CCDC60: variants seen among roughly 807,000 people sequenced by gnomAD.
CCDC60 encodes the protein coiled-coil domain containing 60.
A neutral mutation model predicts 63.5 loss-of-function variants in CCDC60; 54 were observed. The ratio of observed to expected loss-of-function variants is 0.85; its 90% CI spans 0.68 to 1.07. CCDC60 has a LOEUF of 1.07. Ranked by LOEUF, CCDC60 falls within the 50% of genes least tolerant of loss-of-function variation. The probability of loss-of-function intolerance (pLI) is 0.00; values close to 1 mark genes in which losing one functional copy is unlikely to be tolerated. For synonymous variants in CCDC60, 206 were observed against 238.8 expected, an observed-to-expected ratio of 0.86 and a Z score of 1.27; for missense variants, 651 against 684.3, an observed-to-expected ratio of 0.95 and a Z score of 0.54.
intron 5 of CCDC60, among the ~76,000 whole-genome samples, chr12:119,489,764 C>A (rs1951540569): frequency 6.6e-6 from 1 of 152,016 alleles, no homozygotes; most frequent in African/African-American, 2.4e-5. Flanking sequence ...ATAGTCCTGC[C>A]TCCCAGGTGG....
chr12:119,477,784 G>T (rs1323950038), intron 3 of CCDC60, among the ~76,000 whole-genome samples: 1 of 152,202 alleles, frequency 6.6e-6, no homozygotes, highest in Non-Finnish European at 1.5e-5. Context: ...CATCATTCTT[G>T]TGTAGAAACA....
chr12:119,491,581 G>T (rs1484197214), intron 5 of CCDC60, among the ~76,000 whole-genome samples: 1 of 152,132 alleles, frequency 6.6e-6, no homozygotes, highest in Admixed American at 6.5e-5. Context: ...GCCCACCTCA[G>T]CCTCCCAAAG....
At position 119,428,748 on chromosome 12, in the gene CCDC60, C is replaced by A; in HGVS notation, c.156C>A (p.Asp52Glu). The A allele has an allele frequency of 6.3e-7, 1 of 1,599,926 alleles. No individual in the cohort carries two copies. Among genetic ancestry groups the A allele is most frequent in the Non-Finnish European group, 8.5e-7 (1 of 1,170,908 alleles). ...AGGAAATAATAAACCTCAAAAAGGA[C>A]CTTATACGAAGCCGGTGAGTGAGCC... is the stretch of plus-strand genomic sequence containing the variant. ...MDKEIINLKK[D>E]LIRSRFLIQS... The change falls in exon 2 of 14, where the codon GAC becomes GAA. Residue 52 changes from aspartate (D) to glutamate (E), a missense_variant. Coordinates refer to ENST00000327554, the MANE Select transcript of CCDC60 (RefSeq NM_178499.5).
At chr12:119,433,516 G>C (rs1376658189) in intron 2 of CCDC60, 2 of 702,324 alleles carry the variant, frequency 2.8e-6, no homozygotes, top group Admixed American at 4.0e-5. Flanking sequence ...CATTAAGGAA[G>C]GAATCAGGAT....
chr12:119,472,452 G>C (rs1951083092), intron 3 of CCDC60, among the ~76,000 whole-genome samples: 1 of 151,912 alleles, frequency 6.6e-6, no homozygotes, highest in African/African-American at 2.4e-5. Context: ...TGCACTCCAG[G>C]TCCCCATAAT....
At chr12:119,384,560 G>A (rs979552966) in intron 1 of CCDC60, among the ~76,000 whole-genome samples, 1 of 152,170 alleles carries the variant, frequency 6.6e-6, no homozygotes, top group African/African-American at 2.4e-5. Context: ...TCAGGGAGCC[G>A]GAGCTGGGAG....
At chr12:119,352,677 C>A (rs1410214030) in intron 1 of CCDC60, among the ~76,000 whole-genome samples, 1 of 152,142 alleles carries the variant, frequency 6.6e-6, no homozygotes, top group Non-Finnish European at 1.5e-5. Context: ...TGGCTCATGC[C>A]TGTAATCCCA....
intron 2 of CCDC60, among the ~76,000 whole-genome samples, chr12:119,438,467 T>C (rs1234389621): frequency 6.6e-6 from 1 of 152,216 alleles, no homozygotes; most frequent in Non-Finnish European, 1.5e-5. Context: ...AAAAGTCTTC[T>C]GGCATTGGAG....
At chr12:119,434,117 C>T (rs1323569359) in intron 2 of CCDC60, among the ~76,000 whole-genome samples, 1 of 152,168 alleles carries the variant, frequency 6.6e-6, no homozygotes, top group African/African-American at 2.4e-5. Flanking sequence ...TGCAAATAAA[C>T]AATGATGAAT....
Position 119,420,173 on chromosome 12 carries a change from G to A in CCDC60, c.91-8510G>A, listed in dbSNP as rs1352488810. 6.6e-6 allele frequency among the ~76,000 whole-genome samples: 1 copy of A among 152,092 alleles called. No homozygotes were observed. Among genetic ancestry groups the A allele is most frequent in the Non-Finnish European group, 1.5e-5 (1 of 68,018 alleles). ...TTACAGGTATAAGCCACCATGCCCG[G>A]CCTGTTAAGTAATTCTATAGTATAT... On this transcript the variant is annotated intron_variant, in intron 1 of 13. Coordinates refer to ENST00000327554, the MANE Select transcript of CCDC60 (RefSeq NM_178499.5). The surrounding 1 kb of genome is among the most constrained non-coding windows in gnomAD (Gnocchi z 4.1).
intron 4 of CCDC60, among the ~76,000 whole-genome samples, chr12:119,485,491 G>T (rs1951416219): frequency 1.3e-5 from 2 of 152,224 alleles, no homozygotes; most frequent in South Asian, 4.1e-4. Flanking sequence ...GAGGCTGAAA[G>T]CCCAAGATCA....
chr12:119,360,101 T>G (rs1955760782), intron 1 of CCDC60, among the ~76,000 whole-genome samples: 1 of 147,174 alleles, frequency 6.8e-6, no homozygotes, highest in African/African-American at 2.5e-5. Context: ...CACTTCCCAG[T>G]AGGGGCGGCC....
intron 4 of CCDC60, among the ~76,000 whole-genome samples, chr12:119,488,377 C>T (rs908308539): frequency 6.6e-6 from 1 of 152,198 alleles, no homozygotes; most frequent in Non-Finnish European, 1.5e-5. Context: ...TTCCTTGAAG[C>T]CTCTCATTTG....
intron 7 of CCDC60, among the ~76,000 whole-genome samples, chr12:119,514,587 T>C (rs1159119386): frequency 1.3e-5 from 2 of 152,182 alleles, no homozygotes; most frequent in Non-Finnish European, 2.9e-5. Context: ...TTTTTACAGA[T>C]ATACAATGTG....
At chr12:119,424,498 C>T (rs1188274859) in intron 1 of CCDC60, among the ~76,000 whole-genome samples, 1 of 152,190 alleles carries the variant, frequency 6.6e-6, no homozygotes, top group East Asian at 1.9e-4. Context: ...TAAATCTCTT[C>T]ATCCTGGCGA....
chr12:119,499,619 C>T (rs552767516), intron 5 of CCDC60, among the ~76,000 whole-genome samples: 1 of 152,278 alleles, frequency 6.6e-6, no homozygotes, highest in South Asian at 2.1e-4. Flanking sequence ...TTTCATTGTG[C>T]AATCCACCCC....
At chr12:119,454,998 C>G (rs1301401856) in intron 2 of CCDC60, among the ~76,000 whole-genome samples, 2 of 152,200 alleles carry the variant, frequency 1.3e-5, no homozygotes, top group East Asian at 3.9e-4. Flanking sequence ...CATATGTTAC[C>G]CAGCTTGCCA....
At chr12:119,400,195 G>A (rs1372587123) in intron 1 of CCDC60, among the ~76,000 whole-genome samples, 16 of 152,180 alleles carry the variant, frequency 1.1e-4, no homozygotes, top group Non-Finnish European at 1.8e-4. Flanking sequence ...GACTACAGGC[G>A]CCAGCCACCA....
intron 2 of CCDC60, among the ~76,000 whole-genome samples, chr12:119,457,353 C>T (rs1174334562): frequency 6.6e-6 from 1 of 152,204 alleles, no homozygotes; most frequent in Non-Finnish European, 1.5e-5. Flanking sequence ...GGGTCTTTCT[C>T]TTTGGGCTGA....
Sources: gnomAD v4.1 joint callset for allele counts (sites outside exome capture counted in the v4.1 genomes callset) on GRCh38, gnomAD v4.1.1 for gene constraint, Gnocchi (gnomAD v3.1) non-coding constraint, MANE v1.5 for transcripts, NCBI Gene and HGNC (gene_info 2026-07-23, HGNC 2026-07-21) for gene names.